Variants in AKAP1 observed in about 807,000 individuals in gnomAD.
AKAP1 encodes the protein A-kinase anchoring protein 1.
Under a neutral mutation model 79.8 loss-of-function variants are expected in AKAP1, and 32 were observed. The ratio of observed to expected loss-of-function variants is 0.40; its 90% CI spans 0.30 to 0.54. The LOEUF is 0.54. Among genes scored for constraint, AKAP1 ranks in the 20% least tolerant of loss-of-function variants. The pLI, the probability that AKAP1 is intolerant of heterozygous loss-of-function variation, is 0.47. For missense variants in AKAP1, 961 were observed against 1,138.9 expected, an observed-to-expected ratio of 0.84 and a Z score of 2.25; for synonymous variants, 416 against 466.7, an observed-to-expected ratio of 0.89 and a Z score of 1.40.
rs764500302 is a variant in AKAP1, at chr17:57,106,945, G to A, written c.1481G>A (p.Ser494Asn). ...DATCVTCMSD[S>N]SQSVPLVASP... ...ACCTGTGTCACCTGCATGTCAGACA[G>A]CAGCCAAAGTGTCCCTTTGGTGGCT... is the stretch of plus-strand genomic sequence containing the variant. The change falls in exon 2 of 11, where the codon AGC (serine) becomes AAC (asparagine). Residue 494 changes from serine to asparagine, a missense_variant. By Grantham distance (46) the Ser-to-Asn change is conservative. Coordinates refer to ENST00000337714, the MANE Select transcript of AKAP1 (RefSeq NM_003488.4). The A allele has an allele frequency of 4.0e-5, 64 of 1,613,954 alleles. 1 individual carries two copies. The South Asian group carries it at 6.9e-4, about 17-fold the overall frequency.
chr17:57,118,083 G>A (rs1915694168), intron 8 of AKAP1, among the ~76,000 whole-genome samples: 1 of 152,164 alleles, frequency 6.6e-6, no homozygotes, highest in South Asian at 2.1e-4. Flanking sequence ...GTTGGTGGGG[G>A]TGGGGGTGGT....
chr17:57,114,673 C>A, intron 6 of AKAP1, 37 bp downstream of exon 6: 1 of 1,578,326 alleles, frequency 6.3e-7, no homozygotes, highest in Non-Finnish European at 8.6e-7. Flanking sequence ...AGGGGGACCC[C>A]TGGGGTTGCC....
chr17:57,109,140 G>A (rs1371399618), intron 2 of AKAP1, among the ~76,000 whole-genome samples: 1 of 152,210 alleles, frequency 6.6e-6, no homozygotes, highest in Non-Finnish European at 1.5e-5. Context: ...AAACCATGTG[G>A]AAGGTAACCT....
Position 57,086,475 on chromosome 17 carries a change from G to A in AKAP1, c.-25+1077G>A. 2.2e-6 allele frequency: 1 copy of A among 455,648 alleles called. No individual in the cohort carries two copies. The highest frequency in any genetic ancestry group is 2.0e-5 in the African/African-American group (1 of 50,142). The allele number at this position is 455,648 out of a possible 1,614,324, so 28.2% of individuals were successfully genotyped here. On this transcript the variant is annotated intron_variant, in intron 1 of 10. Transcript: ENST00000337714. The surrounding 1 kb of genome is among the most constrained non-coding windows in gnomAD (Gnocchi z 5.1). ...GTTTCGGGATCTTCCTCTCCTGGGG[G>A]ATGTCCTGGGTGGCGGCGCCTTCCT...
At position 57,114,488 on chromosome 17, in the gene AKAP1, G is replaced by A; in HGVS notation, c.2133G>A (p.Glu711=). ...WLMLPDGITV[E]VIVVNQVNAG... is the part of the protein sequence containing the mutation. ...TGCTGCCTGATGGCATCACCGTGGA[G>A]GTCATTGTGGTCAACCAGGTCAATG... Residue 711 remains glutamate (E), a synonymous_variant, in exon 6 of 11, where the codon GAG becomes GAA. Coordinates refer to ENST00000337714, the MANE Select transcript of AKAP1 (RefSeq NM_003488.4). 2.5e-6 allele frequency: 4 copies of A among 1,614,132 alleles called. No homozygotes were observed. The highest frequency in any genetic ancestry group is 3.4e-6 in the Non-Finnish European group (4 of 1,180,030).
intron 6 of AKAP1, among the ~76,000 whole-genome samples, chr17:57,115,030 T>C (rs1219683830): frequency 2.0e-5 from 3 of 152,152 alleles, no homozygotes; most frequent in Non-Finnish European, 4.4e-5. Flanking sequence ...AAAGCACTTA[T>C]GCATATAATG....
chr17:57,112,271 C>A (rs567499105), intron 4 of AKAP1, among the ~76,000 whole-genome samples: 1 of 152,312 alleles, frequency 6.6e-6, no homozygotes, highest in Non-Finnish European at 1.5e-5. Flanking sequence ...CCTGCCTCTT[C>A]TGTTGCATTG....
intron 1 of AKAP1, among the ~76,000 whole-genome samples, chr17:57,104,345 T>G (rs1914712149): frequency 6.6e-6 from 1 of 152,208 alleles, no homozygotes; most frequent in Admixed American, 6.5e-5. Flanking sequence ...CCTATGCTGG[T>G]TCTCTGTTGT....
At chr17:57,109,232 T>C (rs558806323) in intron 2 of AKAP1, among the ~76,000 whole-genome samples, 1 of 152,330 alleles carries the variant, frequency 6.6e-6, no homozygotes, top group African/African-American at 2.4e-5. Context: ...CTTGAGCTGA[T>C]CTGGACCCGC....
chr17:57,120,585 A>AG lies in AKAP1; in HGVS notation c.*261_*262insG. 2.7e-6 allele frequency: 1 copy of AG among 366,370 alleles called. No homozygotes were observed. The highest frequency in any genetic ancestry group is 4.9e-6 in the Non-Finnish European group (1 of 203,172). The allele number at this position is 366,370 out of a possible 1,614,324, so 22.7% of individuals were successfully genotyped here. On this transcript the variant is annotated 3_prime_UTR_variant, in exon 11 of 11. Transcript: ENST00000337714. ...CTCAGCTGTTTAAAAAAAAAAAAAAAAAGGAATAGAAACAGTTTCAACCAG... is the reference window on the plus strand; with the variant it reads ...CTCAGCTGTTTAAAAAAAAAAAAAAAGAAGGAATAGAAACAGTTTCAACCAG...
Position 57,086,557 on chromosome 17 carries a change from A to C in AKAP1, c.-25+1159A>C, listed in dbSNP as rs1208009002. The C allele has an allele frequency of 2.4e-6, 1 of 424,650 alleles. No individual in the cohort carries two copies. The highest frequency in any genetic ancestry group is 4.7e-6 in the Non-Finnish European group (1 of 213,218). The allele number at this position is 424,650 out of a possible 1,614,324, so 26.3% of individuals were successfully genotyped here. A position where few individuals can be genotyped will look rare whatever the true frequency, so the allele number is the denominator to read the frequency against. ...CTCCAGGTGCGAGTCGAGGCCTCTC[A>C]AGCTGGGTAGGGTGTATGCGCAGGG... On this transcript the variant is annotated intron_variant, in intron 1 of 10. Coordinates refer to ENST00000337714, the MANE Select transcript of AKAP1 (RefSeq NM_003488.4). This position sits in a 1 kb window ranked among gnomAD's most constrained non-coding sequence, Gnocchi z 5.1.
At position 57,107,132 on chromosome 17, in the gene AKAP1, G is replaced by T. The variant is rs770271511; in HGVS notation, c.1668G>T (p.Gly556=). The T allele has an allele frequency of 1.1e-5, 18 of 1,613,670 alleles. No homozygotes were observed. Among genetic ancestry groups the T allele is most frequent in the Non-Finnish European group, 1.4e-5 (17 of 1,179,782 alleles). ...TGAAGGGGGAGTTGTCAGACTTGGG[G>T]GCTGAGGATGGATGGACCATGGATG... The part of the protein sequence containing the change: ...GVLKGELSDL[G]AEDGWTMDAE... The change falls in exon 2 of 11, where the codon GGG becomes GGT. Residue 556 remains glycine (G), a synonymous_variant. Transcript: ENST00000337714.
rs140184682 is a variant in AKAP1 at position 57,099,963 on chromosome 17, T to C, written c.-24-5478T>C. ...TGGGATCTTGGGAGGCTGGGTGTGG[T>C]GGTGTGGTGTGGGACCAGCAACTAA... On this transcript the variant is annotated intron_variant, in intron 1 of 10. Transcript: ENST00000337714. Among the ~76,000 whole-genome samples, 638 of 152,104 alleles carry C rather than the reference T, an allele frequency of 4.2e-3. 2 individuals carry two copies. Among genetic ancestry groups the C allele is most frequent in the African/African-American group, 0.015 (604 of 41,494 alleles).
intron 1 of AKAP1, chr17:57,095,485 T>TTTTTTTTTC (rs1567898364): frequency 1.4e-5 from 2 of 138,182 alleles, no homozygotes. Context: ...TTTTTTTTTT[T>TTTTTTTTTC]CTTCTGCCCT....
chr17:57,087,587 T>C (rs2055693624), intron 1 of AKAP1, among the ~76,000 whole-genome samples: 1 of 152,198 alleles, frequency 6.6e-6, no homozygotes, highest in African/African-American at 2.4e-5. Context: ...GAGATCATAT[T>C]TGTGATACTG....
chr17:57,111,011 C>T (rs1313229530), intron 3 of AKAP1, among the ~76,000 whole-genome samples: 1 of 151,836 alleles, frequency 6.6e-6, no homozygotes, highest in South Asian at 2.1e-4. Flanking sequence ...CTGTTTTGAC[C>T]CTGGGTTGCG....
chr17:57,101,707 G>A (rs1018006788), intron 1 of AKAP1: 7 of 152,168 alleles, frequency 4.6e-5, no homozygotes, highest in African/African-American at 1.7e-4. Flanking sequence ...CCCAAAAGGA[G>A]GAAGTAAGAC....
At chr17:57,108,455 T>G (rs1053128577) in intron 2 of AKAP1, among the ~76,000 whole-genome samples, 1 of 152,202 alleles carries the variant, frequency 6.6e-6, no homozygotes, top group Non-Finnish European at 1.5e-5. Flanking sequence ...GGAGTTTCCC[T>G]TTGCTTACTG....
At chr17:57,088,218 C>T (rs1913578005) in intron 1 of AKAP1, among the ~76,000 whole-genome samples, 1 of 152,144 alleles carries the variant, frequency 6.6e-6, no homozygotes, top group Non-Finnish European at 1.5e-5. Flanking sequence ...GCAGTTTTCA[C>T]TTTTATGATC....
Sources: allele counts gnomAD v4.1 joint callset (sites outside exome capture counted in the v4.1 genomes callset), GRCh38; gene constraint gnomAD v4.1.1; non-coding constraint Gnocchi (gnomAD v3.1); transcripts MANE v1.5; gene names NCBI Gene and HGNC (gene_info 2026-07-23, HGNC 2026-07-21).